Variants in HLCS observed in about 807,000 individuals in gnomAD.
The protein encoded by HLCS is biotin--protein ligase.
A neutral mutation model predicts 75.0 loss-of-function variants in HLCS; 53 were observed. The ratio of observed to expected loss-of-function variants is 0.71; its 90% CI spans 0.57 to 0.89. The LOEUF (loss-of-function observed/expected upper bound fraction) is 0.89, where lower values mean the gene tolerates loss of function less well. HLCS is among the 40% of genes least tolerant of loss of function. HLCS has a pLI of 0.00. For missense variants in HLCS, 966 were observed against 1,074.0 expected (o/e 0.90, Z 1.41); for synonymous variants, 431 against 428.6 (o/e 1.01, Z -0.07).
At chr21:36,969,236 C>G (rs908062153), upstream of HLCS, among the ~76,000 whole-genome samples, 2 of 152,114 alleles carry the variant, frequency 1.3e-5, no homozygotes, top group Non-Finnish European at 2.9e-5. Flanking sequence ...TTTCATCACC[C>G]CTATATAACA....
At chr21:36,934,317 T>C (rs867038584) in intron 4 of HLCS, among the ~76,000 whole-genome samples, 3 of 152,208 alleles carry the variant, frequency 2.0e-5, no homozygotes, top group African/African-American at 4.8e-5. Context: ...AGGGATGCTA[T>C]TCCGCAGCCG....
rs1034456616 is a variant in HLCS at position 36,910,352 on chromosome 21, C to G, written c.1621-13221G>C. Among the ~76,000 whole-genome samples, 3 of 152,144 alleles carry G rather than the reference C, an allele frequency of 2.0e-5. No individual in the cohort carries two copies. In the East Asian group the frequency reaches 5.8e-4, roughly 29 times the overall value. ...CTGAGGTCAGGAGTTTGAGACCAGCCTGGCCAACATGGTGAAACCCCATCT... is the reference window on the plus strand; with the variant it reads ...CTGAGGTCAGGAGTTTGAGACCAGCGTGGCCAACATGGTGAAACCCCATCT... On this transcript the variant is annotated intron_variant, in intron 5 of 10. Transcript: ENST00000674895.
intron 6 of HLCS, among the ~76,000 whole-genome samples, chr21:36,820,080 C>A (rs943349237): frequency 6.6e-6 from 1 of 152,250 alleles, no homozygotes; most frequent in African/African-American, 2.4e-5. Context: ...TGACCACCAA[C>A]CAGCACCCCT....
chr21:36,962,135 A>G lies in HLCS; in HGVS notation c.231T>C (p.Leu77=). The G allele has an allele frequency of 7.8e-7, 1 of 1,289,078 alleles. No homozygotes were observed. The highest frequency in any genetic ancestry group is 1.0e-6 in the Non-Finnish European group (1 of 988,220). The allele number at this position is 1,289,078 out of a possible 1,614,324, so 79.9% of individuals were successfully genotyped here. The part of the protein sequence containing the change: ...IEDLNKWALF[L]VSPFILEAEH... ...CTGCTTCAAGTATAAAAGGAGACAC[A>G]AGAAATAGGGCCCACTTGTTCAAGT... Residue 77 remains leucine, a synonymous_variant, in exon 2 of 11, where the codon CTT becomes CTC. Coordinates refer to ENST00000674895, the MANE Select transcript of HLCS (RefSeq NM_001352514.2).
chr21:36,797,771 G>A (rs915825108), intron 6 of HLCS, among the ~76,000 whole-genome samples: 2 of 152,182 alleles, frequency 1.3e-5, no homozygotes, highest in Non-Finnish European at 2.9e-5. Flanking sequence ...GGCACACACG[G>A]TCTGAAGCCT....
chr21:36,900,450 G>A (rs942278193), intron 5 of HLCS, among the ~76,000 whole-genome samples: 6 of 152,148 alleles, frequency 3.9e-5, no homozygotes, highest in East Asian at 1.9e-4. Flanking sequence ...GTGGAGTGCC[G>A]GGGCCAGAAA....
At chr21:36,883,631 A>T (rs1349860589) in intron 6 of HLCS, among the ~76,000 whole-genome samples, 3 of 152,180 alleles carry the variant, frequency 2.0e-5, no homozygotes, top group African/African-American at 4.8e-5. Flanking sequence ...CTCAGGTTTT[A>T]TTTGCAGTTT....
At chr21:36,962,645 G>A (rs764633747) in intron 1 of HLCS, among the ~76,000 whole-genome samples, 2 of 151,810 alleles carry the variant, frequency 1.3e-5, no homozygotes, top group Non-Finnish European at 2.9e-5. Flanking sequence ...CCAAAAAAAT[G>A]AGTTGGGCAT....
At chr21:36,909,224 T>C (rs930320177) in intron 5 of HLCS, among the ~76,000 whole-genome samples, 1 of 152,138 alleles carries the variant, frequency 6.6e-6, no homozygotes, top group Non-Finnish European at 1.5e-5. Flanking sequence ...CAAAGGAATC[T>C]TTCGGAATAC....
At chr21:36,892,634 A>G (rs1303071562) in intron 6 of HLCS, among the ~76,000 whole-genome samples, 1 of 152,172 alleles carries the variant, frequency 6.6e-6, no homozygotes, top group Non-Finnish European at 1.5e-5. Context: ...GGGAAGACAA[A>G]TGCATGTGGA....
In HLCS at chr21:36,842,984, G is replaced by C. The variant is rs549155911; in HGVS notation, c.1892+53876C>G. ...TTGCTTTGCACATGTCTGAAACTGA[G>C]CAGTTCTTCCTGCCATGTCTTATCT... On this transcript the variant is annotated intron_variant, in intron 6 of 10. Coordinates refer to ENST00000674895, the MANE Select transcript of HLCS (RefSeq NM_001352514.2). The surrounding 1 kb of genome is among the most constrained non-coding windows in gnomAD (Gnocchi z 4.2). 2.0e-5 allele frequency among the ~76,000 whole-genome samples: 3 copies of C among 152,182 alleles called. No homozygotes were observed. The highest frequency in any genetic ancestry group is 6.5e-5 in the Admixed American group (1 of 15,288).
At chr21:36,886,215 AG>A (rs2043576495) in intron 6 of HLCS, among the ~76,000 whole-genome samples, 1 of 151,784 alleles carries the variant, frequency 6.6e-6, no homozygotes, top group Non-Finnish European at 1.5e-5. Context: ...GCGGATCACG[AG>A]GTCAGGAAAT....
intron 6 of HLCS, among the ~76,000 whole-genome samples, chr21:36,827,675 CG>C (rs2062053469): frequency 6.6e-6 from 1 of 151,786 alleles, no homozygotes; most frequent in Non-Finnish European, 1.5e-5. Flanking sequence ...CTCAGTTCTC[CG>C]GGGGCAATAC....
At chr21:36,985,547 C>T (rs139385404) in intron 1 of HLCS, among the ~76,000 whole-genome samples, 6,720 of 152,328 alleles carry the variant, frequency 0.044, 218 homozygotes, top group Non-Finnish European at 0.068. Context: ...GCGGGCAGAT[C>T]ACGAGATCAA....
intron 6 of HLCS, among the ~76,000 whole-genome samples, chr21:36,828,401 A>ATGAG (rs371207945): frequency 1.1e-4 from 17 of 149,552 alleles, no homozygotes; most frequent in Admixed American, 4.0e-4. Context: ...GAATGAATGA[A>ATGAG]TGAGTGAATA....
intron 1 of HLCS, among the ~76,000 whole-genome samples, chr21:36,963,247 T>C (rs945889181): frequency 4.6e-5 from 7 of 152,182 alleles, no homozygotes; most frequent in Non-Finnish European, 1.0e-4. Context: ...GGCTTTCACA[T>C]ACAGGATATA....
chr21:36,781,257 C>G, intron 6 of HLCS, among the ~76,000 whole-genome samples: 1 of 100,760 alleles, frequency 9.9e-6, no homozygotes, highest in South Asian at 3.2e-4. Flanking sequence ...GAAACTCTGT[C>G]TCAAAAAAAA....
intron 6 of HLCS, among the ~76,000 whole-genome samples, chr21:36,775,268 A>G (rs992152241): frequency 6.6e-6 from 1 of 152,234 alleles, no homozygotes; most frequent in African/African-American, 2.4e-5. Context: ...CATGGCTCCC[A>G]AGGAGCCCAG....
Position 36,936,968 on chromosome 21 carries a change from T to A in HLCS, c.918A>T (p.Gly306=). 3 of 1,614,112 alleles carry A rather than the reference T, an allele frequency of 1.9e-6. No individual in the cohort carries two copies. The highest frequency in any genetic ancestry group is 2.5e-6 in the Non-Finnish European group (3 of 1,180,016). The change falls in exon 4 of 11, where the codon GGA becomes GGT. Residue 306 remains glycine, a synonymous_variant. Coordinates refer to ENST00000674895, the MANE Select transcript of HLCS (RefSeq NM_001352514.2). ...CATAGAGGAGGATGTTGGGTGCCTTTCCCGTGAGGTTGACTCTCCTCCCTT... is the reference window on the plus strand; with the variant it reads ...CATAGAGGAGGATGTTGGGTGCCTTACCCGTGAGGTTGACTCTCCTCCCTT... The part of the protein sequence containing the change: ...EREGRRVNLT[G]KAPNILLYVG...
Sources: gnomAD v4.1 joint callset for allele counts (sites outside exome capture counted in the v4.1 genomes callset) on GRCh38, gnomAD v4.1.1 for gene constraint, Gnocchi (gnomAD v3.1) non-coding constraint, MANE v1.5 for transcripts, NCBI Gene and HGNC (gene_info 2026-07-23, HGNC 2026-07-21) for gene names.